The following CD96 variants were observed in gnomAD, a reference collection of about 807,000 sequenced individuals.
The protein encoded by CD96 is CD96 molecule, also known as T-cell surface protein tactile.
Under a neutral mutation model 71.3 loss-of-function variants are expected in CD96, and 70 were observed. The observed-to-expected ratio is 0.98, with a 90% CI of 0.81 to 1.20. CD96 has a LOEUF of 1.20. Ranked by LOEUF, CD96 falls within the 50% of genes most tolerant of loss-of-function variation. The pLI, the probability that CD96 is intolerant of heterozygous loss-of-function variation, is 0.00. For missense variants in CD96, 742 were observed against 677.5 expected, an observed-to-expected ratio of 1.10 and a Z score of -1.06; for synonymous variants, 248 against 233.0, an observed-to-expected ratio of 1.06 and a Z score of -0.59.
intron 7 of CD96, among the ~76,000 whole-genome samples, chr3:111,602,123 C>A (rs1937514456): frequency 6.6e-6 from 1 of 152,170 alleles, no homozygotes; most frequent in African/African-American, 2.4e-5. Context: ...CATAATAGGG[C>A]TGCAGTCTTG....
chr3:111,576,659 A>G (rs1446420816), intron 3 of CD96, among the ~76,000 whole-genome samples: 1 of 152,166 alleles, frequency 6.6e-6, no homozygotes, highest in Non-Finnish European at 1.5e-5. Context: ...TTTAACCTCA[A>G]TTTATTCTAC....
chr3:111,662,761 A>G (rs1940388492), intron 14 of CD96, among the ~76,000 whole-genome samples: 1 of 152,330 alleles, frequency 6.6e-6, no homozygotes, highest in Admixed American at 6.5e-5. Flanking sequence ...TTCACTGTCT[A>G]TATCACTATC....
intron 14 of CD96, among the ~76,000 whole-genome samples, chr3:111,661,016 G>T (rs1940340930): frequency 2.0e-5 from 3 of 152,196 alleles, no homozygotes; most frequent in African/African-American, 7.2e-5. Context: ...ATGGAGAAAA[G>T]AGATTTAATT....
At chr3:111,593,851 C>G (rs1338414468) in intron 5 of CD96, 2 of 1,613,882 alleles carry the variant, frequency 1.2e-6, no homozygotes, top group African/African-American at 2.7e-5. Context: ...GCTGCCCAGC[C>G]TGACCATGGC....
chr3:111,570,856 G>A, intron 3 of CD96: 1 of 1,610,148 alleles, frequency 6.2e-7, no homozygotes, highest in Admixed American at 1.7e-5. Context: ...GGGTGCAAGG[G>A]TCCTGACCGC....
intron 3 of CD96, among the ~76,000 whole-genome samples, chr3:111,570,472 C>T (rs1043155743): frequency 5.9e-5 from 9 of 151,758 alleles, no homozygotes; most frequent in Admixed American, 1.3e-4. Flanking sequence ...TCTCTGGGCT[C>T]GTGGGTTAGG....
intron 2 of CD96, among the ~76,000 whole-genome samples, chr3:111,549,820 T>A (rs1310806847): frequency 6.6e-6 from 1 of 152,180 alleles, no homozygotes; most frequent in Non-Finnish European, 1.5e-5. Flanking sequence ...ATTTTGCATT[T>A]AATCTTATAG....
In CD96 at chr3:111,600,805, T is replaced by C. The variant is rs1440286040; in HGVS notation, c.978T>C (p.Ser326=). ...AGTCTGTTTTAACAAGGGTACATAG[T>C]AATAAACCAGCCCAATCAGACAACT... is the stretch of plus-strand genomic sequence containing the variant. ...ELKSVLTRVH[S]NKPAQSDNLT... is the part of the protein sequence containing the mutation. Residue 326 remains serine, a synonymous_variant, in exon 7 of 14, where the codon AGT becomes AGC. Coordinates refer to ENST00000352690, the MANE Select transcript of CD96 (RefSeq NM_005816.5). 1.2e-6 allele frequency: 2 copies of C among 1,613,042 alleles called. No homozygotes were observed. The highest frequency in any genetic ancestry group is 1.7e-5 in the Admixed American group (1 of 59,992).
At chr3:111,656,999 TTAAA>T (rs1258943057), downstream of CD96, among the ~76,000 whole-genome samples, 11 of 150,994 alleles carry the variant, frequency 7.3e-5, no homozygotes, top group East Asian at 3.9e-4. Flanking sequence ...AATAATAAAA[TTAAA>T]TAAATAAGAA....
intron 12 of CD96, among the ~76,000 whole-genome samples, chr3:111,644,998 A>C (rs908151061): frequency 2.6e-5 from 4 of 152,208 alleles, no homozygotes; most frequent in Admixed American, 1.3e-4. Flanking sequence ...TGATCCAGCA[A>C]TCCCACTACT....
At chr3:111,581,638 G>C (rs1449999205) in intron 4 of CD96, among the ~76,000 whole-genome samples, 1 of 152,160 alleles carries the variant, frequency 6.6e-6, no homozygotes, top group Non-Finnish European at 1.5e-5. Flanking sequence ...GCCCATCACA[G>C]GGTTCTGTTC....
chr3:111,547,374 T>G (rs536036752), intron 2 of CD96, among the ~76,000 whole-genome samples: 10 of 152,352 alleles, frequency 6.6e-5, no homozygotes, highest in African/African-American at 2.2e-4. Context: ...ATTTGCCATG[T>G]AATGTTAGTA....
At chr3:111,588,722 C>A (rs1936829894) in intron 5 of CD96, among the ~76,000 whole-genome samples, 1 of 152,062 alleles carries the variant, frequency 6.6e-6, no homozygotes, top group Non-Finnish European at 1.5e-5. Flanking sequence ...AAAGACCTGC[C>A]CCCATGATTC....
chr3:111,609,081 T>C (rs1937773487), intron 8 of CD96, among the ~76,000 whole-genome samples: 1 of 152,174 alleles, frequency 6.6e-6, no homozygotes, highest in Non-Finnish European at 1.5e-5. Flanking sequence ...TTGAAGTATG[T>C]ATTGTATATA....
At chr3:111,570,419 C>A (rs1935924121) in intron 3 of CD96, among the ~76,000 whole-genome samples, 5 of 152,102 alleles carry the variant, frequency 3.3e-5, no homozygotes. Context: ...CACCTCCTGC[C>A]TCATGAGATA....
intron 10 of CD96, among the ~76,000 whole-genome samples, chr3:111,631,256 TCAGCCCAAAAC>T (rs1382607326): frequency 1.3e-5 from 2 of 152,136 alleles, no homozygotes; most frequent in African/African-American, 2.4e-5. Context: ...TCACATTTTC[TCAGCCCAAAAC>T]TTCTTAAGCT....
intron 10 of CD96, among the ~76,000 whole-genome samples, chr3:111,629,972 A>G (rs1938976039): frequency 6.6e-6 from 1 of 152,256 alleles, no homozygotes; most frequent in Non-Finnish European, 1.5e-5. Context: ...ACCAAGAACA[A>G]CAATACAATG....
chr3:111,660,612 C>T (rs1327013171), intron 14 of CD96, among the ~76,000 whole-genome samples: 1 of 152,212 alleles, frequency 6.6e-6, no homozygotes, highest in Admixed American at 6.5e-5. Context: ...TACCCAACTT[C>T]AAATTATACT....
At chr3:111,552,200 C>T (rs1481402862) in intron 2 of CD96, among the ~76,000 whole-genome samples, 2 of 151,820 alleles carry the variant, frequency 1.3e-5, no homozygotes, top group East Asian at 3.9e-4. Context: ...TATTAGACCC[C>T]AGGCCCTTTA....
Sources: gnomAD v4.1 joint callset for allele counts (sites outside exome capture counted in the v4.1 genomes callset) on GRCh38, gnomAD v4.1.1 for gene constraint, MANE v1.5 for transcripts, NCBI Gene and HGNC (gene_info 2026-07-23, HGNC 2026-07-21) for gene names.